Variants in RNGTT observed in about 807,000 individuals in gnomAD.
The protein encoded by RNGTT is RNA guanylyltransferase and 5'-phosphatase, also known as mRNA-capping enzyme.
In RNGTT, 33 loss-of-function variants were observed where a neutral mutation model predicts 79.3. The observed-to-expected ratio is 0.42, with a 90% CI of 0.32 to 0.56. RNGTT has a LOEUF of 0.56. Among genes scored for constraint, RNGTT ranks in the 20% least tolerant of loss-of-function variants. The pLI, the probability that RNGTT is intolerant of heterozygous loss-of-function variation, is 0.17. For synonymous variants in RNGTT, 222 were observed against 235.9 expected, an observed-to-expected ratio of 0.94 and a Z score of 0.54; for missense variants, 497 against 739.1, an observed-to-expected ratio of 0.67 and a Z score of 3.80.
In RNGTT at chr6:88,797,099, G is replaced by C. The variant is rs1779625252; in HGVS notation, c.1338+4465C>G. Among the ~76,000 whole-genome samples, 2 of 152,078 alleles carry C rather than the reference G, an allele frequency of 1.3e-5. 1 individual carries two copies. The highest frequency in any genetic ancestry group is 4.1e-4 in the South Asian group (2 of 4,828). ...CCTAATAAAAATTGCTGGGTAACAT[G>C]ACATACAGATTCTGAAACTTACGTG... On this transcript the variant is annotated intron_variant, in intron 12 of 15. Coordinates refer to ENST00000369485, the MANE Select transcript of RNGTT (RefSeq NM_003800.5).
At chr6:88,915,130 A>C (rs1182983309) in intron 4 of RNGTT, among the ~76,000 whole-genome samples, 2 of 151,804 alleles carry the variant, frequency 1.3e-5, no homozygotes, top group Non-Finnish European at 2.9e-5. Flanking sequence ...GATGCTGGAG[A>C]GGCTGCAGAG....
chr6:88,916,182 A>C (rs1023335043), intron 4 of RNGTT, among the ~76,000 whole-genome samples: 5 of 152,212 alleles, frequency 3.3e-5, no homozygotes, highest in South Asian at 2.1e-4. Flanking sequence ...ACATCTATCA[A>C]ACCTCAGATT....
At chr6:88,695,716 C>G (rs775946209) in intron 13 of RNGTT, among the ~76,000 whole-genome samples, 10 of 152,156 alleles carry the variant, frequency 6.6e-5, no homozygotes, top group Non-Finnish European at 1.3e-4. Flanking sequence ...TACTGCAGCA[C>G]TATTCACAAT....
rs188426763 is a variant in RNGTT, at chr6:88,652,291, A to G, written c.1506+26062T>C. 1.5e-3 allele frequency among the ~76,000 whole-genome samples: 236 copies of G among 152,304 alleles called. 2 individuals carry two copies. The highest frequency in any genetic ancestry group is 5.4e-3 in the African/African-American group (225 of 41,570). ...ATTTACAAGTTTCTCCAAATCTCAT[A>G]CTTCATTGCATTTAGCATAGTTTGC... is the stretch of plus-strand genomic sequence containing the variant. On this transcript the variant is annotated intron_variant, in intron 14 of 15. Transcript: ENST00000369485.
chr6:88,720,991 T>C lies in RNGTT; in HGVS notation c.1440-42572A>G, dbSNP rs576678933. The stretch of plus-strand genomic sequence containing the variant: ...ATTACTTCTCTACTTCTTTCCTCTC[T>C]TGTGGTCCCAAGACACATTCTCTTC... On this transcript the variant is annotated intron_variant, in intron 13 of 15. Transcript: ENST00000369485. Among the ~76,000 whole-genome samples, 27 of 152,194 alleles carry C rather than the reference T, an allele frequency of 1.8e-4. No homozygotes were observed. In the South Asian group the frequency reaches 3.7e-3, roughly 21 times the overall value.
At chr6:88,803,664 T>C (rs937206573) in intron 11 of RNGTT, among the ~76,000 whole-genome samples, 4 of 131,442 alleles carry the variant, frequency 3.0e-5, no homozygotes, top group African/African-American at 1.3e-4. Context: ...AATCTCTTTT[T>C]TCAAAAAAAA....
At chr6:88,908,767 GA>G (rs1390569549) in intron 4 of RNGTT, among the ~76,000 whole-genome samples, 30 of 152,204 alleles carry the variant, frequency 2.0e-4, no homozygotes, top group African/African-American at 6.3e-4. Context: ...TCTGCAGGGC[GA>G]AGAGAGTAAG....
In RNGTT at chr6:88,738,719, AG is replaced by A. The variant is rs557732131; in HGVS notation, c.1439+31054del. Among the ~76,000 whole-genome samples the A allele has an allele frequency of 7.5e-4, 114 of 152,272 alleles. 1 individual carries two copies. Among genetic ancestry groups the A allele is most frequent in the Middle Eastern group, 6.8e-3 (2 of 294 alleles). On this transcript the variant is annotated intron_variant, in intron 13 of 15. Coordinates refer to ENST00000369485, the MANE Select transcript of RNGTT (RefSeq NM_003800.5). ...GTAATAAATGTGCCATGTTAATAAT[AG>A]GGTACACTGTTTGTGGGGGGCCCAA...
At chr6:88,790,966 G>A (rs995520766) in intron 12 of RNGTT, among the ~76,000 whole-genome samples, 5 of 152,042 alleles carry the variant, frequency 3.3e-5, no homozygotes, top group African/African-American at 9.7e-5. Flanking sequence ...CATCGGAAAC[G>A]TCTTATTAAG....
intron 12 of RNGTT, among the ~76,000 whole-genome samples, chr6:88,773,387 G>A (rs1276168042): frequency 2.0e-5 from 3 of 149,010 alleles, no homozygotes; most frequent in Non-Finnish European, 4.5e-5. Context: ...GAGTTAGTGG[G>A]TGCAGCGCAC....
At chr6:88,839,679 A>G (rs550529630) in intron 11 of RNGTT, among the ~76,000 whole-genome samples, 3 of 152,334 alleles carry the variant, frequency 2.0e-5, no homozygotes, top group East Asian at 1.9e-4. Flanking sequence ...GCTAACAGCA[A>G]TGGTTACTGA....
intron 11 of RNGTT, among the ~76,000 whole-genome samples, chr6:88,816,365 A>C (rs1369400747): frequency 1.3e-5 from 2 of 152,204 alleles, no homozygotes; most frequent in African/African-American, 4.8e-5. Flanking sequence ...ATGTGTATAC[A>C]GTATATGGGG....
intron 13 of RNGTT, among the ~76,000 whole-genome samples, chr6:88,754,043 G>T (rs1054233807): frequency 2.6e-5 from 4 of 151,964 alleles, no homozygotes; most frequent in African/African-American, 9.7e-5. Context: ...AATAAGAAAA[G>T]AAACAATAAA....
intron 14 of RNGTT, 71 bp from the exon 15 acceptor site, chr6:88,614,466 G>T: frequency 1.4e-6 from 2 of 1,430,870 alleles, no homozygotes; most frequent in Non-Finnish European, 1.9e-6. Context: ...TATGTGACAG[G>T]CACATTAGGA....
chr6:88,784,678 G>A (rs996765999), intron 12 of RNGTT, among the ~76,000 whole-genome samples: 1 of 152,096 alleles, frequency 6.6e-6, no homozygotes, highest in African/African-American at 2.4e-5. Flanking sequence ...TAGACAAAAT[G>A]TGTGCTTTTA....
chr6:88,625,125 G>A (rs758592638), intron 14 of RNGTT, among the ~76,000 whole-genome samples: 27 of 151,922 alleles, frequency 1.8e-4, no homozygotes, highest in Non-Finnish European at 3.7e-4. Context: ...TATATTGCTA[G>A]TGGAAATGTA....
At chr6:88,648,579 AC>A (rs1773670978) in intron 14 of RNGTT, among the ~76,000 whole-genome samples, 1 of 152,118 alleles carries the variant, frequency 6.6e-6, no homozygotes, top group Non-Finnish European at 1.5e-5. Context: ...TGCCTCTTGT[AC>A]CCCAGGCGAA....
At chr6:88,708,527 C>T (rs547167347) in intron 13 of RNGTT, among the ~76,000 whole-genome samples, 4 of 152,014 alleles carry the variant, frequency 2.6e-5, no homozygotes, top group Non-Finnish European at 5.9e-5. Context: ...TCAGCTTTGA[C>T]CATGGTAGCT....
rs773825283 is a variant in RNGTT, at chr6:88,801,521, C to A, written c.1338+43G>T. 6.7e-6 allele frequency: 10 copies of A among 1,487,542 alleles called. No individual in the cohort carries two copies. In the African/African-American group the frequency reaches 1.1e-4, roughly 16 times the overall value. The allele number at this position is 1,487,542 out of a possible 1,614,324, so 92.1% of individuals were successfully genotyped here. On this transcript the variant is annotated intron_variant, in intron 12 of 15. Transcript: ENST00000369485. ...ATGTATATCTGTGTACACACACACACAAACACACAAACGAACACACACACA... is the reference window on the plus strand; with the variant it reads ...ATGTATATCTGTGTACACACACACAAAAACACACAAACGAACACACACACA...
Sources: allele counts gnomAD v4.1 joint callset (sites outside exome capture counted in the v4.1 genomes callset), GRCh38; gene constraint gnomAD v4.1.1; transcripts MANE v1.5; gene names NCBI Gene and HGNC (gene_info 2026-07-23, HGNC 2026-07-21).